The following OSBPL8 variants were observed in gnomAD, a reference collection of about 807,000 sequenced individuals.
The protein encoded by OSBPL8 is oxysterol binding protein like 8.
Under a neutral mutation model 125.5 loss-of-function variants are expected in OSBPL8, and 59 were observed. That is an observed-to-expected ratio of 0.47 (90% confidence interval 0.38 to 0.58). OSBPL8 has a LOEUF of 0.58. OSBPL8 is among the 20% of genes least tolerant of loss of function. OSBPL8 has a pLI of 0.00. For missense variants in OSBPL8, 758 were observed against 1,047.8 expected (o/e 0.72, Z 3.82); for synonymous variants, 330 against 338.9 (o/e 0.97, Z 0.29).
chr12:76,486,035 C>T (rs1424603266), intron 2 of OSBPL8: 1 of 433,666 alleles, frequency 2.3e-6, no homozygotes, highest in East Asian at 7.1e-5. Flanking sequence ...AGTAACTTAC[C>T]ATCCGTTTTT....
intron 4 of OSBPL8, among the ~76,000 whole-genome samples, chr12:76,421,241 TA>T (rs969991692): frequency 6.6e-6 from 1 of 151,866 alleles, no homozygotes; most frequent in African/African-American, 2.4e-5. Flanking sequence ...TATCTAACAT[TA>T]AAAAAATCTC....
intron 18 of OSBPL8, 171 bp from the exon 19 acceptor site, chr12:76,371,755 T>A: frequency 1.8e-6 from 1 of 552,302 alleles, no homozygotes; most frequent in Non-Finnish European, 2.7e-6. Context: ...TTATCATTTT[T>A]ATAAAAACAT....
At chr12:76,396,998 A>C (rs11614323) in intron 8 of OSBPL8, among the ~76,000 whole-genome samples, 26,029 of 151,558 alleles carry the variant, frequency 0.17, 2,438 homozygotes, top group Middle Eastern at 0.24. Context: ...TATTTTTTGC[A>C]GAGACAGGGT....
intron 1 of OSBPL8, among the ~76,000 whole-genome samples, chr12:76,540,379 A>C (rs1057454270): frequency 7.9e-5 from 12 of 152,104 alleles, no homozygotes; most frequent in African/African-American, 2.9e-4. Flanking sequence ...CAATGGGAGG[A>C]ATTATTAGGA....
chr12:76,555,630 T>C (rs1465871925), intron 1 of OSBPL8, among the ~76,000 whole-genome samples: 3 of 152,222 alleles, frequency 2.0e-5, no homozygotes, highest in African/African-American at 7.2e-5. Context: ...ATGCATTATA[T>C]AACTTTGTTC....
chr12:76,434,549 A>T (rs566576422), intron 4 of OSBPL8, among the ~76,000 whole-genome samples: 1 of 152,336 alleles, frequency 6.6e-6, no homozygotes, highest in Non-Finnish European at 1.5e-5. Flanking sequence ...AACAATCAAC[A>T]TAGTGAAATG....
At chr12:76,454,729 TAAAA>T (rs140485885) in intron 3 of OSBPL8, among the ~76,000 whole-genome samples, 1 of 117,084 alleles carries the variant, frequency 8.5e-6, no homozygotes. Context: ...TTTAAAAAAT[TAAAA>T]AAAAAAAAAA....
At chr12:76,492,480 AC>A (rs1335444384) in intron 1 of OSBPL8, among the ~76,000 whole-genome samples, 2 of 152,114 alleles carry the variant, frequency 1.3e-5, no homozygotes, top group African/African-American at 2.4e-5. Flanking sequence ...GCCTGTTAGG[AC>A]CTGGACCACA....
At chr12:76,486,705 G>A (rs536938320) in intron 2 of OSBPL8, among the ~76,000 whole-genome samples, 434 of 151,942 alleles carry the variant, frequency 2.9e-3, no homozygotes, top group Non-Finnish European at 4.4e-3. Context: ...ATGATCACAG[G>A]GTAGAAATGT....
intron 3 of OSBPL8, among the ~76,000 whole-genome samples, chr12:76,456,099 A>C (rs930585587): frequency 6.6e-6 from 1 of 152,222 alleles, no homozygotes; most frequent in Non-Finnish European, 1.5e-5. Flanking sequence ...AATTCAACTC[A>C]TCAATATAAA....
At chr12:76,472,970 G>T (rs943722257) in intron 2 of OSBPL8, among the ~76,000 whole-genome samples, 1 of 152,122 alleles carries the variant, frequency 6.6e-6, no homozygotes, top group Non-Finnish European at 1.5e-5. Flanking sequence ...CTAAGTAGCA[G>T]GTGTTTTTCC....
Position 76,452,054 on chromosome 12 carries a change from T to C in OSBPL8, c.80-1066A>G, listed in dbSNP as rs191339388. Among the ~76,000 whole-genome samples, 234 of 152,012 alleles carry C rather than the reference T, an allele frequency of 1.5e-3. 1 individual carries two copies. Among genetic ancestry groups the C allele is most frequent in the Admixed American group, 3.9e-3 (59 of 15,276 alleles). On this transcript the variant is annotated intron_variant, in intron 3 of 23. Coordinates refer to ENST00000261183, the MANE Select transcript of OSBPL8 (RefSeq NM_020841.5). ...ATCGCTTGAACCTGGGGGGCAGAGGTTGCAGTGAGCAGAGATCATGCCATT... is the reference window on the plus strand; with the variant it reads ...ATCGCTTGAACCTGGGGGGCAGAGGCTGCAGTGAGCAGAGATCATGCCATT...
rs542282501 is a variant in OSBPL8 at position 76,432,233 on chromosome 12, G to T, written c.217+18618C>A. Among the ~76,000 whole-genome samples, 6 of 152,204 alleles carry T rather than the reference G, an allele frequency of 3.9e-5. No individual in the cohort carries two copies. The East Asian group carries it at 1.2e-3, about 29-fold the overall frequency. On this transcript the variant is annotated intron_variant, in intron 4 of 23. Transcript: ENST00000261183. ...AAAAACAGAAATTACTAAAATTTGT[G>T]GAATGTAGCAAGAGCAGTACAAAAA...
chr12:76,501,904 C>A (rs555005099), intron 1 of OSBPL8, among the ~76,000 whole-genome samples: 3 of 152,356 alleles, frequency 2.0e-5, no homozygotes, highest in Admixed American at 2.0e-4. Context: ...TCTGCCTGAA[C>A]TAACATCCAT....
At chr12:76,373,166 T>C (rs1197775753) in intron 18 of OSBPL8, among the ~76,000 whole-genome samples, 178 bp downstream of exon 18, 1 of 152,148 alleles carries the variant, frequency 6.6e-6, no homozygotes, top group Non-Finnish European at 1.5e-5. Flanking sequence ...AAATAAAATA[T>C]TACACAAAAT....
intron 22 of OSBPL8, 134 bp downstream of exon 22, chr12:76,358,572 A>T (rs1952079382): frequency 2.9e-6 from 2 of 679,248 alleles, no homozygotes; most frequent in Non-Finnish European, 5.0e-6. Flanking sequence ...TATGATCTAG[A>T]ATTGCTTTTG....
chr12:76,365,797 T>C (rs928348267), intron 21 of OSBPL8, among the ~76,000 whole-genome samples: 1 of 152,222 alleles, frequency 6.6e-6, no homozygotes, highest in African/African-American at 2.4e-5. Flanking sequence ...GTCTTTCTTT[T>C]GTTTATGAAA....
At chr12:76,509,285 A>G (rs1440459243) in intron 1 of OSBPL8, among the ~76,000 whole-genome samples, 1 of 152,152 alleles carries the variant, frequency 6.6e-6, no homozygotes, top group Non-Finnish European at 1.5e-5. Flanking sequence ...ATTAATAAGT[A>G]CACTCTCTGA....
intron 1 of OSBPL8, among the ~76,000 whole-genome samples, chr12:76,500,496 TTAAG>T (rs1879790456): frequency 1.3e-5 from 2 of 152,192 alleles, no homozygotes; most frequent in Non-Finnish European, 2.9e-5. Context: ...TTAATACTAT[TTAAG>T]TTTTTAAAAT....
Sources: allele counts gnomAD v4.1 joint callset (sites outside exome capture counted in the v4.1 genomes callset), GRCh38; gene constraint gnomAD v4.1.1; transcripts MANE v1.5; gene names NCBI Gene and HGNC (gene_info 2026-07-23, HGNC 2026-07-21).